The following ENPP3 variants were observed in gnomAD, a reference collection of about 807,000 sequenced individuals.
The protein encoded by ENPP3 is ectonucleotide pyrophosphatase/phosphodiesterase family member 3.
ENPP3 carries 104 observed loss-of-function variants against 117.8 expected under a neutral mutation model. The ratio of observed to expected loss-of-function variants is 0.88; its 90% CI spans 0.75 to 1.04. The LOEUF is 1.04. ENPP3 is among the 50% of genes least tolerant of loss of function. The pLI, the probability that ENPP3 is intolerant of heterozygous loss-of-function variation, is 0.00. For missense variants in ENPP3, 1,026 were observed against 1,051.9 expected (o/e 0.98, Z 0.34); for synonymous variants, 380 against 349.9 (o/e 1.09, Z -0.96).
rs911014688 is a variant in ENPP3 at position 131,722,275 on chromosome 6, T to C, written c.1616T>C (p.Leu539Ser). The change falls in exon 18 of 25, where the codon TTA (leucine) becomes TCA (serine). Residue 539 changes from leucine to serine, a missense_variant. Physicochemically the swap from Leu to Ser is moderately radical, Grantham distance 145. Coordinates refer to ENST00000357639, the MANE Select transcript of ENPP3 (RefSeq NM_005021.5). Reference protein sequence around the residue: ...PAPNNGTHGSLNHLLKVPFYE... With the variant: ...PAPNNGTHGSSNHLLKVPFYE... ...CCAAACAATGGAACCCATGGTAGTTTAAACCATCTTCTGAAGGTGCCTTTT... is the reference window on the plus strand; with the variant it reads ...CCAAACAATGGAACCCATGGTAGTTCAAACCATCTTCTGAAGGTGCCTTTT... 13 of 1,614,096 alleles carry C rather than the reference T, an allele frequency of 8.1e-6. No homozygotes were observed. The highest frequency in any genetic ancestry group is 9.3e-6 in the Non-Finnish European group (11 of 1,179,968).
intron 11 of ENPP3, among the ~76,000 whole-genome samples, chr6:131,679,604 G>A: frequency 6.6e-6 from 1 of 151,420 alleles, no homozygotes; most frequent in Admixed American, 6.6e-5. Flanking sequence ...GAAAAGATCG[G>A]AGTCCCCCAA....
chr6:131,679,383 C>T (rs1778972668), intron 11 of ENPP3, among the ~76,000 whole-genome samples: 1 of 152,192 alleles, frequency 6.6e-6, no homozygotes, highest in African/African-American at 2.4e-5. Flanking sequence ...GCATGAACCA[C>T]TGCACCCAGC....
intron 23 of ENPP3, among the ~76,000 whole-genome samples, chr6:131,738,519 G>A (rs142576412): frequency 1.2e-3 from 181 of 152,040 alleles, no homozygotes; most frequent in African/African-American, 4.2e-3. Flanking sequence ...AAAAAGTCGA[G>A]TAAAGGCTAA....
chr6:131,639,263 A>ATATTT (rs1554259591), intron 1 of ENPP3, among the ~76,000 whole-genome samples: 4 of 91,238 alleles, frequency 4.4e-5, no homozygotes, highest in Non-Finnish European at 7.5e-5. Flanking sequence ...ATATATATAT[A>ATATTT]TATTTTTTTT....
Position 131,740,347 on chromosome 6 carries a change from C to G in ENPP3, c.2424C>G (p.Ile808Met). The G allele has an allele frequency of 6.2e-7, 1 of 1,611,144 alleles. No individual in the cohort carries two copies. The highest frequency in any genetic ancestry group is 8.5e-7 in the Non-Finnish European group (1 of 1,178,566). Residue 808 changes from isoleucine (I) to methionine (M), a missense_variant, in exon 24 of 25, where the codon ATC becomes ATG. By Grantham distance (10) the Ile-to-Met change is conservative (BLOSUM62 1). Coordinates refer to ENST00000357639, the MANE Select transcript of ENPP3 (RefSeq NM_005021.5). ...PGWLDVLPFI[I>M]PHRPTNVESC... The stretch of plus-strand genomic sequence containing the variant: ...GGCTGGATGTCCTACCCTTTATCAT[C>G]CCTCACCGACCTACCAACGTGGAGA...
At chr6:131,665,030 T>C (rs939967970) in intron 6 of ENPP3, among the ~76,000 whole-genome samples, 3 of 152,180 alleles carry the variant, frequency 2.0e-5, no homozygotes, top group African/African-American at 7.2e-5. Flanking sequence ...TATCCCTCAT[T>C]CTGTTAATGC....
chr6:131,661,365 A>C (rs1002006871), intron 6 of ENPP3, among the ~76,000 whole-genome samples: 1 of 152,098 alleles, frequency 6.6e-6, no homozygotes, highest in African/African-American at 2.4e-5. Flanking sequence ...CAATTTCTGC[A>C]TATCTTCATC....
rs367662326 is a variant in ENPP3 at position 131,723,827 on chromosome 6, T to TCTCTCTCTCACACA, written c.1747-212_1747-211insTCTCTCTCACACAC. ...TTCTCTCTCTCTCTCTCTCTCTCTCTCACACACACACACACACACACACAC... is the reference window on the plus strand; with the variant it reads ...TTCTCTCTCTCTCTCTCTCTCTCTCTCTCTCTCTCACACACACACACACACACACACACACACAC... On this transcript the variant is annotated intron_variant, in intron 18 of 24. Transcript: ENST00000357639. 2.7e-3 allele frequency among the ~76,000 whole-genome samples: 401 copies of TCTCTCTCTCACACA among 145,914 alleles called. 2 individuals are homozygous for TCTCTCTCTCACACA. The highest frequency in any genetic ancestry group is 0.01 in the African/African-American group (388 of 38,546).
At chr6:131,670,450 A>G (rs1295713075) in intron 6 of ENPP3, among the ~76,000 whole-genome samples, 1 of 152,180 alleles carries the variant, frequency 6.6e-6, no homozygotes. Flanking sequence ...GGCCTGCCAT[A>G]TATACTGAGA....
chr6:131,742,838 G>C (rs148181216), intron 24 of ENPP3, among the ~76,000 whole-genome samples: 1 of 152,040 alleles, frequency 6.6e-6, no homozygotes, highest in African/African-American at 2.4e-5. Context: ...CCATCTGGGC[G>C]TCAAGGTAAA....
chr6:131,663,896 A>G (rs528327660), intron 6 of ENPP3, among the ~76,000 whole-genome samples: 14 of 152,158 alleles, frequency 9.2e-5, no homozygotes, highest in African/African-American at 3.4e-4. Context: ...TGTATTTACT[A>G]TACTATACTC....
chr6:131,670,894 G>A (rs573146586), intron 6 of ENPP3, among the ~76,000 whole-genome samples: 135 of 152,246 alleles, frequency 8.9e-4, no homozygotes, highest in Admixed American at 1.4e-3. Flanking sequence ...AGTTTTATTG[G>A]AACATGACCA....
chr6:131,644,577 C>T (rs1475855982), intron 2 of ENPP3, among the ~76,000 whole-genome samples: 3 of 152,150 alleles, frequency 2.0e-5, no homozygotes, highest in African/African-American at 7.2e-5. Flanking sequence ...ATTTCCATAA[C>T]TGAGTTGGGG....
At chr6:131,654,098 T>C (rs1284396124) in intron 5 of ENPP3, among the ~76,000 whole-genome samples, 1 of 146,760 alleles carries the variant, frequency 6.8e-6, no homozygotes, top group Non-Finnish European at 1.5e-5. Context: ...AGGCAGTTTT[T>C]AAATTTAAGT....
At chr6:131,674,390 C>A in intron 8 of ENPP3, 109 bp downstream of exon 8, 1 of 1,095,694 alleles carries the variant, frequency 9.1e-7, no homozygotes, top group Non-Finnish European at 1.4e-6. Flanking sequence ...CATCTAGTTT[C>A]TAAGGGCTGA....
At chr6:131,651,144 T>C (rs930020999) in intron 3 of ENPP3, among the ~76,000 whole-genome samples, 1 of 152,176 alleles carries the variant, frequency 6.6e-6, no homozygotes, top group African/African-American at 2.4e-5. Flanking sequence ...GGTGTTGAAC[T>C]TCTGGCCTCA....
Position 131,733,627 on chromosome 6 carries a change from C to T in ENPP3, c.1993C>T (p.Leu665=). 6.2e-7 allele frequency: 1 copy of T among 1,614,130 alleles called. No individual in the cohort carries two copies. Among genetic ancestry groups the T allele is most frequent in the Non-Finnish European group, 8.5e-7 (1 of 1,179,988 alleles). ...TCTGCCTCCCACTGTCCCAGACTGT[C>T]TGCGGGCTGATGTCAGGGTTCCTCC... ...SPLPPTVPDC[L]RADVRVPPSE... Residue 665 remains leucine, a synonymous_variant, in exon 21 of 25, where the codon CTG becomes TTG. Coordinates refer to ENST00000357639, the MANE Select transcript of ENPP3 (RefSeq NM_005021.5).
intron 21 of ENPP3, among the ~76,000 whole-genome samples, chr6:131,735,334 G>C (rs1017957995): frequency 6.6e-6 from 1 of 152,098 alleles, no homozygotes; most frequent in East Asian, 1.9e-4. Context: ...AACTTTCAGG[G>C]CTTAGTTAAA....
chr6:131,644,421 C>A (rs1380751924), intron 2 of ENPP3, among the ~76,000 whole-genome samples: 4 of 152,102 alleles, frequency 2.6e-5, no homozygotes, highest in Non-Finnish European at 5.9e-5. Context: ...TAAACCAGGG[C>A]AGTAGCATTG....
Sources: gnomAD v4.1 joint callset for allele counts (sites outside exome capture counted in the v4.1 genomes callset) on GRCh38, gnomAD v4.1.1 for gene constraint, MANE v1.5 for transcripts, NCBI Gene and HGNC (gene_info 2026-07-23, HGNC 2026-07-21) for gene names.